Variants in DYRK4 observed in about 807,000 individuals in gnomAD.
The protein encoded by DYRK4 is dual specificity tyrosine-phosphorylation-regulated kinase 4.
DYRK4 carries 64 observed loss-of-function variants against 68.3 expected under a neutral mutation model. That is an observed-to-expected ratio of 0.94 (90% CI 0.77 to 1.15). The LOEUF (loss-of-function observed/expected upper bound fraction) is 1.15, where lower values mean the gene tolerates loss of function less well. Among genes scored for constraint, DYRK4 ranks in the 50% most tolerant of loss-of-function variants. The pLI is 0.00. For synonymous variants in DYRK4, 274 were observed against 289.9 expected (o/e 0.95, Z 0.56); for missense variants, 740 against 764.7 (o/e 0.97, Z 0.38).
At chr12:4,605,113 C>T (rs1945128180) in intron 11 of DYRK4, 27 bp downstream of exon 11, 1 of 1,600,354 alleles carries the variant, frequency 6.2e-7, no homozygotes, top group Admixed American at 1.7e-5. Flanking sequence ...CGGTCGGCTC[C>T]CACGGAGACC....
intron 2 of DYRK4, among the ~76,000 whole-genome samples, chr12:4,578,141 C>T (rs1412817917): frequency 6.6e-6 from 1 of 152,172 alleles, no homozygotes; most frequent in East Asian, 1.9e-4. Context: ...GTATTGCCTT[C>T]TAAAAGTTTT....
chr12:4,586,727 CACACAG>C (rs1332119750), intron 2 of DYRK4, among the ~76,000 whole-genome samples: 18 of 120,634 alleles, frequency 1.5e-4, no homozygotes, highest in African/African-American at 5.1e-4. Context: ...CACACACACA[CACACAG>C]ACACACACAC....
chr12:4,570,717 A>G (rs796512425), intron 2 of DYRK4, among the ~76,000 whole-genome samples: 6 of 152,346 alleles, frequency 3.9e-5, no homozygotes, highest in African/African-American at 1.4e-4. Context: ...AAAATTATAG[A>G]TTATAAGTGT....
intron 11 of DYRK4, among the ~76,000 whole-genome samples, chr12:4,605,883 TGTC>T (rs1306790352): frequency 3.9e-5 from 6 of 152,154 alleles, no homozygotes; most frequent in Admixed American, 2.0e-4. Context: ...TTCTAATTAA[TGTC>T]GTCTAATTCG....
chr12:4,575,112 G>A (rs1341928365), intron 2 of DYRK4, among the ~76,000 whole-genome samples: 1 of 152,216 alleles, frequency 6.6e-6, no homozygotes, highest in African/African-American at 2.4e-5. Flanking sequence ...ATTCCCAGGA[G>A]GGGAACCGCT....
At chr12:4,573,062 G>T in intron 2 of DYRK4, 1 of 326,586 alleles carries the variant, frequency 3.1e-6, no homozygotes, top group Non-Finnish European at 5.9e-6. Flanking sequence ...GATGTGAATT[G>T]CTAGTTCTGT....
At chr12:4,604,776 A>T in intron 10 of DYRK4, 138 bp from the exon 11 acceptor site, 1 of 968,384 alleles carries the variant, frequency 1.0e-6, no homozygotes, top group Non-Finnish European at 1.4e-6. Context: ...GTGTAATGGG[A>T]GTTCTAAGTG....
intron 13 of DYRK4, among the ~76,000 whole-genome samples, chr12:4,611,803 T>A (rs1945224324): frequency 6.6e-6 from 1 of 152,172 alleles, no homozygotes. Context: ...TATCATATGA[T>A]CATTAGTTAG....
intron 1 of DYRK4, 124 bp downstream of exon 1, chr12:4,562,407 C>G (rs769836998): frequency 4.8e-6 from 6 of 1,244,172 alleles, no homozygotes; most frequent in Admixed American, 5.9e-5. Context: ...AAGAGCTGAC[C>G]GGGGAATGTG....
At chr12:4,603,602 C>T (rs574602675) in intron 10 of DYRK4, among the ~76,000 whole-genome samples, 11 of 152,346 alleles carry the variant, frequency 7.2e-5, no homozygotes, top group South Asian at 4.1e-4. Context: ...CACCTGCCTC[C>T]GCAGCAGCCA....
chr12:4,604,846 C>G, intron 10 of DYRK4, 68 bp from the exon 11 acceptor site: 1 of 1,486,336 alleles, frequency 6.7e-7, no homozygotes. Flanking sequence ...GAGAAGTTGT[C>G]CTGGGGGAGA....
intron 2 of DYRK4, among the ~76,000 whole-genome samples, chr12:4,570,232 C>G (rs1030280609): frequency 7.3e-5 from 11 of 151,678 alleles, no homozygotes; most frequent in Admixed American, 6.6e-4. Context: ...AGAAGAAAAC[C>G]CTGTCTCAAA....
intron 10 of DYRK4, chr12:4,602,851 A>G: frequency 1.7e-6 from 2 of 1,162,070 alleles, no homozygotes; most frequent in Non-Finnish European, 2.6e-6. Flanking sequence ...CATTGGAAAT[A>G]CATCACTGTG....
At position 4,591,186 on chromosome 12, in the gene DYRK4, G is replaced by A. The variant is rs35827006; in HGVS notation, c.351G>A (p.Pro117=). 0.032 allele frequency: 52,102 copies of A among 1,613,944 alleles called. 1,022 individuals are homozygous for A. Among genetic ancestry groups the A allele is most frequent in the African/African-American group, 0.076 (5,697 of 74,924 alleles). The change falls in exon 5 of 15, where the codon CCG becomes CCA. Residue 117 remains proline (P), a synonymous_variant. Coordinates refer to ENST00000543431, the MANE Select transcript of DYRK4 (RefSeq NM_001394779.1). The surrounding 1 kb of genome is among the most constrained non-coding windows in gnomAD (Gnocchi z 4.1). ...AGAATCAAGCTCACAATCAGATGCC[G>A]GCCTCAGAGCTCAAGGCTTCAGAAA... ...YQENQAHNQM[P]ASELKASEIP... is the part of the protein sequence containing the mutation.
intron 1 of DYRK4, chr12:4,564,319 A>G (rs1175806732): frequency 6.6e-6 from 1 of 151,852 alleles, no homozygotes; most frequent in African/African-American, 2.4e-5. Context: ...TACATCTATT[A>G]TATATCAATT....
At chr12:4,590,041 G>A (rs1944935682) in intron 3 of DYRK4, 1 of 812,750 alleles carries the variant, frequency 1.2e-6, no homozygotes, top group Non-Finnish European at 1.6e-6. Flanking sequence ...TTGTTCCCAT[G>A]GTAGTGATGA....
intron 1 of DYRK4, among the ~76,000 whole-genome samples, chr12:4,565,627 CTT>C (rs10717580): frequency 4.2e-4 from 61 of 143,790 alleles, no homozygotes; most frequent in Middle Eastern, 3.7e-3. Flanking sequence ...TTCACATTTA[CTT>C]TTTTTTTTTT....
intron 6 of DYRK4, among the ~76,000 whole-genome samples, chr12:4,593,525 A>G (rs1324388867): frequency 6.6e-6 from 1 of 152,184 alleles, no homozygotes; most frequent in Non-Finnish European, 1.5e-5. Context: ...TCTCTTCAAT[A>G]CAAGCCCATA....
intron 7 of DYRK4, 113 bp downstream of exon 7, chr12:4,596,398 C>A (rs939537257): frequency 1.3e-6 from 2 of 1,548,716 alleles, no homozygotes; most frequent in African/African-American, 2.7e-5. Context: ...CTTTTGTCTT[C>A]CCTTTTCTCT....
Sources: gnomAD v4.1 joint callset for allele counts (sites outside exome capture counted in the v4.1 genomes callset) on GRCh38, gnomAD v4.1.1 for gene constraint, Gnocchi (gnomAD v3.1) non-coding constraint, MANE v1.5 for transcripts, NCBI Gene and HGNC (gene_info 2026-07-23, HGNC 2026-07-21) for gene names.